Variants in ACOXL observed in about 807,000 individuals in gnomAD.
The protein encoded by ACOXL is acyl-CoA oxidase like.
Under a neutral mutation model 71.9 loss-of-function variants are expected in ACOXL, and 70 were observed. That is an observed-to-expected ratio of 0.97 (90% CI 0.80 to 1.19). The LOEUF (loss-of-function observed/expected upper bound fraction) is 1.19. Ranked by LOEUF, ACOXL falls within the 50% of genes most tolerant of loss-of-function variation. ACOXL has a pLI of 0.00. For synonymous variants in ACOXL, 253 were observed against 281.6 expected (o/e 0.90, Z 1.02); for missense variants, 703 against 736.3 (o/e 0.95, Z 0.52).
At chr2:111,052,518 C>G (rs181116691) in intron 16 of ACOXL, among the ~76,000 whole-genome samples, 1 of 152,022 alleles carries the variant, frequency 6.6e-6, no homozygotes. Flanking sequence ...CCTGCAGACC[C>G]GAGAAGGGGG....
intron 14 of ACOXL, among the ~76,000 whole-genome samples, chr2:111,017,303 C>A (rs2064500657): frequency 6.6e-6 from 1 of 152,220 alleles, no homozygotes; most frequent in African/African-American, 2.4e-5. Flanking sequence ...TGAGTTCCTG[C>A]CATAGCGAGG....
intron 1 of ACOXL, among the ~76,000 whole-genome samples, chr2:110,749,915 T>C (rs1678704216): frequency 6.6e-6 from 1 of 152,200 alleles, no homozygotes; most frequent in South Asian, 2.1e-4. Flanking sequence ...GACCTGGCTG[T>C]TTTGAAGAGT....
chr2:110,977,203 G>A (rs1271365104), intron 12 of ACOXL, among the ~76,000 whole-genome samples: 1 of 151,974 alleles, frequency 6.6e-6, no homozygotes, highest in Non-Finnish European at 1.5e-5. Flanking sequence ...TGGCTAACAC[G>A]GTGAAACCCC....
rs34037443 is a variant in ACOXL, at chr2:110,943,162, GAAAA to G, written c.1059+9522_1059+9525del. On this transcript the variant is annotated intron_variant, in intron 12 of 17. Transcript: ENST00000439055. ...AAGAAGGAAGAAAGAGAAAGAAAAAGAAAAAGGGAGGGAGGGAAAGAAGGAAGGA... is the reference window on the plus strand; with the variant it reads ...AAGAAGGAAGAAAGAGAAAGAAAAAGAGGGAGGGAGGGAAAGAAGGAAGGA... 2.0e-3 allele frequency among the ~76,000 whole-genome samples: 276 copies of G among 136,734 alleles called. 3 individuals are homozygous for G. The highest frequency in any genetic ancestry group is 7.4e-3 in the African/African-American group (260 of 35,342). 89.7% of individuals were successfully genotyped at this position (136,734 alleles called of 152,430 possible).
chr2:110,772,477 CAT>C (rs1682073663), intron 2 of ACOXL, among the ~76,000 whole-genome samples: 1 of 152,162 alleles, frequency 6.6e-6, no homozygotes, highest in Admixed American at 6.5e-5. Context: ...GTGGGTGGCT[CAT>C]AGGGAAACCG....
At chr2:111,085,229 C>T (rs1376470758) in intron 16 of ACOXL, among the ~76,000 whole-genome samples, 2 of 151,636 alleles carry the variant, frequency 1.3e-5, no homozygotes, top group East Asian at 3.9e-4. Context: ...TCAAATGGAC[C>T]TGATAGACAT....
At chr2:110,767,811 C>T (rs1013990988) in intron 1 of ACOXL, among the ~76,000 whole-genome samples, 12 of 152,090 alleles carry the variant, frequency 7.9e-5, no homozygotes, top group African/African-American at 2.7e-4. Context: ...CTTGGCCGGG[C>T]GCGGTGGCTC....
intron 11 of ACOXL, among the ~76,000 whole-genome samples, chr2:110,927,549 G>A (rs2149318876): frequency 6.6e-6 from 1 of 152,314 alleles, no homozygotes; most frequent in South Asian, 2.1e-4. Context: ...TTGAGACCCA[G>A]TTGAGGCTGC....
intron 10 of ACOXL, among the ~76,000 whole-genome samples, chr2:110,878,670 C>T (rs142759079): frequency 1.3e-5 from 2 of 152,230 alleles, no homozygotes; most frequent in African/African-American, 4.8e-5. Context: ...GAGGCTGAGG[C>T]AGGAGAATCC....
Position 111,101,094 on chromosome 2 carries a change from G to A in ACOXL, c.1542+8128G>A, listed in dbSNP as rs539601173. On this transcript the variant is annotated intron_variant, in intron 17 of 17. Transcript: ENST00000439055. ...GAGATGTGGCTTGGAGGAAGAATGC[G>A]CAGAAGTGTGGTAGACACCAGGCCC... The A allele has an allele frequency of 1.8e-3, 271 of 152,732 alleles. 1 individual carries two copies. Among genetic ancestry groups the A allele is most frequent in the Non-Finnish European group, 3.0e-3 (207 of 68,038 alleles). The allele number at this position is 152,732 out of a possible 1,614,324, so 9.5% of individuals were successfully genotyped here.
At chr2:111,071,183 G>A (rs544294257) in intron 16 of ACOXL, among the ~76,000 whole-genome samples, 1 of 152,244 alleles carries the variant, frequency 6.6e-6, no homozygotes, top group South Asian at 2.1e-4. Context: ...ACATCTCCAA[G>A]CAGTTTGGAA....
At chr2:110,904,830 AG>A (rs2059380097) in intron 10 of ACOXL, among the ~76,000 whole-genome samples, 1 of 152,222 alleles carries the variant, frequency 6.6e-6, no homozygotes, top group Admixed American at 6.5e-5. Context: ...TCTGAGGCAT[AG>A]GATCTGTCTG....
At chr2:111,026,873 T>C (rs1241377139) in intron 14 of ACOXL, among the ~76,000 whole-genome samples, 2 of 152,132 alleles carry the variant, frequency 1.3e-5, no homozygotes, top group East Asian at 3.8e-4. Context: ...GTGCAGTCTT[T>C]GTGTTTTGTT....
intron 16 of ACOXL, among the ~76,000 whole-genome samples, chr2:111,068,769 G>T (rs1180450673): frequency 2.0e-5 from 3 of 152,150 alleles, no homozygotes; most frequent in African/African-American, 7.2e-5. Flanking sequence ...CACCACTAAT[G>T]CAGGCTTCCT....
chr2:110,766,001 A>C (rs1681010363), intron 1 of ACOXL, among the ~76,000 whole-genome samples: 1 of 152,192 alleles, frequency 6.6e-6, no homozygotes. Context: ...ATTCTTTTCT[A>C]TAACTTGCAC....
chr2:110,859,066 C>T (rs1234858481), intron 10 of ACOXL, among the ~76,000 whole-genome samples: 1 of 152,216 alleles, frequency 6.6e-6, no homozygotes, highest in Admixed American at 6.5e-5. Context: ...AGTTATAGCT[C>T]TGCGTTTAGG....
chr2:111,037,953 T>C (rs966926567), intron 15 of ACOXL, among the ~76,000 whole-genome samples: 1 of 152,252 alleles, frequency 6.6e-6, no homozygotes, highest in South Asian at 2.1e-4. Flanking sequence ...CTACTACTCT[T>C]ACTGGATTTG....
intron 11 of ACOXL, among the ~76,000 whole-genome samples, chr2:110,928,856 C>A (rs147614731): frequency 0.012 from 1,818 of 152,300 alleles, 15 homozygotes; most frequent in Middle Eastern, 0.051. Context: ...TAAGGGGAAA[C>A]CCCTTTCACT....
intron 12 of ACOXL, among the ~76,000 whole-genome samples, chr2:110,943,862 A>G (rs2060992287): frequency 6.6e-6 from 1 of 150,670 alleles, no homozygotes; most frequent in Non-Finnish European, 1.5e-5. Flanking sequence ...TTAATAGTCA[A>G]AAGCACATCC....
Sources: gnomAD v4.1 joint callset for allele counts (sites outside exome capture counted in the v4.1 genomes callset) on GRCh38, gnomAD v4.1.1 for gene constraint, MANE v1.5 for transcripts, NCBI Gene and HGNC (gene_info 2026-07-23, HGNC 2026-07-21) for gene names.